Variants in KCNB2 observed in about 807,000 individuals in gnomAD.
The protein encoded by KCNB2 is delayed rectifier potassium channel protein.
A neutral mutation model predicts 61.5 loss-of-function variants in KCNB2; 15 were observed. The ratio of observed to expected loss-of-function variants is 0.24; its 90% CI spans 0.16 to 0.38. The LOEUF is 0.38. KCNB2 is among the 10% of genes least tolerant of loss of function. KCNB2 has a pLI of 1.00. For missense variants in KCNB2, 828 were observed against 1,125.2 expected, an observed-to-expected ratio of 0.74 and a Z score of 3.78; for synonymous variants, 457 against 446.0, an observed-to-expected ratio of 1.02 and a Z score of -0.31.
At chr8:72,927,490 T>G (rs1182625272) in intron 2 of KCNB2, among the ~76,000 whole-genome samples, 1 of 152,134 alleles carries the variant, frequency 6.6e-6, no homozygotes, top group African/African-American at 2.4e-5. Flanking sequence ...AGGCTGGTCT[T>G]GAACTCCTGA....
chr8:72,539,096 T>C (rs970028472), intron 1 of KCNB2, among the ~76,000 whole-genome samples: 1 of 152,130 alleles, frequency 6.6e-6, no homozygotes, highest in African/African-American at 2.4e-5. Flanking sequence ...TGTCAATAAA[T>C]ATAAAGTTGT....
chr8:72,889,461 G>A (rs906474632), intron 2 of KCNB2, among the ~76,000 whole-genome samples: 3 of 152,092 alleles, frequency 2.0e-5, no homozygotes, highest in African/African-American at 7.2e-5. Context: ...GCTTAGGCGG[G>A]AGGACTGCTT....
rs369325767 is a variant in KCNB2, at chr8:72,620,852, C to T, written c.579+52539C>T. 6.2e-4 allele frequency among the ~76,000 whole-genome samples: 94 copies of T among 152,286 alleles called. 1 individual carries two copies. The highest frequency in any genetic ancestry group is 2.2e-3 in the African/African-American group (92 of 41,574). ...CAAACTCCTGACCTCAGTTGATCCA[C>T]CCGCCTCGGCCTCCCAAAGTGTGGG... On this transcript the variant is annotated intron_variant, in intron 2 of 2. Transcript: ENST00000523207.
chr8:72,937,315 C>G lies in KCNB2; in HGVS notation c.1960C>G (p.Leu654Val). Residue 654 changes from leucine (L) to valine (V), a missense_variant, in exon 3 of 3, where the codon CTA (leucine) becomes GTA (valine). Around this residue, in one of 4 missense-constraint regions of KCNB2, gnomAD observed 559 missense variants for 588.4 expected, o/e 0.95. Coordinates refer to ENST00000523207, the MANE Select transcript of KCNB2 (RefSeq NM_004770.3). ...QRARGPPFLT[L>V]SREKGPAARD... is the part of the protein sequence containing the mutation. ...AGCTAGGGGCCCCCCGTTTCTAACTCTATCCAGAGAGAAAGGACCTGCTGC... is the reference window on the plus strand; with the variant it reads ...AGCTAGGGGCCCCCCGTTTCTAACTGTATCCAGAGAGAAAGGACCTGCTGC... 1.9e-6 allele frequency: 3 copies of G among 1,614,022 alleles called. No homozygotes were observed. Among genetic ancestry groups the G allele is most frequent in the African/African-American group, 1.3e-5 (1 of 75,014 alleles).
chr8:72,810,482 C>T (rs143265791), intron 2 of KCNB2, among the ~76,000 whole-genome samples: 1 of 152,290 alleles, frequency 6.6e-6, no homozygotes, highest in African/African-American at 2.4e-5. Flanking sequence ...ACCAGCCCTC[C>T]TCTGATGGGC....
At chr8:72,860,395 A>G (rs1585937896) in intron 2 of KCNB2, among the ~76,000 whole-genome samples, 1 of 152,060 alleles carries the variant, frequency 6.6e-6, no homozygotes, top group African/African-American at 2.4e-5. Flanking sequence ...ATGGTATCTT[A>G]TTGTGGTTTT....
At chr8:72,696,497 G>A (rs1055264513) in intron 2 of KCNB2, among the ~76,000 whole-genome samples, 8 of 152,082 alleles carry the variant, frequency 5.3e-5, no homozygotes, top group African/African-American at 1.4e-4. Context: ...TGGTGTTGGG[G>A]GGTTATGATG....
intron 2 of KCNB2, chr8:72,660,858 AG>A (rs1806368871): frequency 6.6e-6 from 1 of 152,196 alleles, no homozygotes. Context: ...TAGTTCAGAA[AG>A]GAGCTAAAGT....
chr8:72,849,154 A>ATTTTTTTTTTT (rs1302389450), intron 2 of KCNB2, among the ~76,000 whole-genome samples: 2 of 150,020 alleles, frequency 1.3e-5, no homozygotes, highest in African/African-American at 4.9e-5. Context: ...CAGCCTTGTA[A>ATTTTTTTTTTT]TTTTTTTTAT....
chr8:72,655,137 C>T (rs866963064), intron 2 of KCNB2, among the ~76,000 whole-genome samples: 5 of 152,094 alleles, frequency 3.3e-5, no homozygotes, highest in African/African-American at 4.8e-5. Context: ...GAGATCACGT[C>T]GTTTGCAGCA....
At chr8:72,614,788 C>G (rs901818909) in intron 2 of KCNB2, among the ~76,000 whole-genome samples, 1 of 152,152 alleles carries the variant, frequency 6.6e-6, no homozygotes, top group Non-Finnish European at 1.5e-5. Context: ...CCTGTCCCCA[C>G]TCCATTCTGA....
intron 2 of KCNB2, among the ~76,000 whole-genome samples, chr8:72,755,347 C>G (rs896008884): frequency 6.6e-6 from 1 of 152,092 alleles, no homozygotes; most frequent in African/African-American, 2.4e-5. Flanking sequence ...AATAATGATG[C>G]ATCAACATTG....
intron 2 of KCNB2, among the ~76,000 whole-genome samples, chr8:72,922,346 A>T (rs1188401443): frequency 6.6e-6 from 1 of 152,040 alleles, no homozygotes; most frequent in African/African-American, 2.4e-5. Context: ...ATAAGATCAC[A>T]CTCTGAGCTT....
intron 2 of KCNB2, among the ~76,000 whole-genome samples, chr8:72,657,905 A>G (rs1344483384): frequency 6.6e-6 from 1 of 152,160 alleles, no homozygotes; most frequent in Non-Finnish European, 1.5e-5. Flanking sequence ...AAGACAGAGA[A>G]TTTAAATGAT....
chr8:72,539,430 T>G (rs1296433389), intron 1 of KCNB2, among the ~76,000 whole-genome samples: 1 of 152,206 alleles, frequency 6.6e-6, no homozygotes, highest in African/African-American at 2.4e-5. Flanking sequence ...CCCTCTTGCC[T>G]TAAGGTTTAG....
At chr8:72,699,417 C>G (rs549871167) in intron 2 of KCNB2, among the ~76,000 whole-genome samples, 1 of 146,956 alleles carries the variant, frequency 6.8e-6, no homozygotes, top group African/African-American at 2.6e-5. Flanking sequence ...TGTTCATACT[C>G]TTTGCCCACT....
intron 2 of KCNB2, among the ~76,000 whole-genome samples, chr8:72,602,408 A>G (rs1040070400): frequency 6.6e-6 from 1 of 152,182 alleles, no homozygotes; most frequent in Non-Finnish European, 1.5e-5. Flanking sequence ...GCTAAATTTT[A>G]GTCAAAGGAG....
intron 2 of KCNB2, among the ~76,000 whole-genome samples, chr8:72,914,092 G>A (rs1054851622): frequency 6.6e-6 from 1 of 152,184 alleles, no homozygotes; most frequent in Non-Finnish European, 1.5e-5. Flanking sequence ...AGCAGATTTA[G>A]TGTCTGGTGA....
At chr8:72,896,630 T>C (rs536898399) in intron 2 of KCNB2, among the ~76,000 whole-genome samples, 7 of 152,260 alleles carry the variant, frequency 4.6e-5, no homozygotes, top group African/African-American at 1.4e-4. Context: ...TCAGGCTTCT[T>C]AGTGCTAAAT....
Sources: allele counts gnomAD v4.1 joint callset (sites outside exome capture counted in the v4.1 genomes callset), GRCh38; gene constraint gnomAD v4.1.1; regional missense constraint gnomAD v4.1.1; transcripts MANE v1.5; gene names NCBI Gene and HGNC (gene_info 2026-07-23, HGNC 2026-07-21).